Variants in PCP2 observed in about 807,000 individuals in gnomAD.
PCP2 encodes Purkinje cell protein 2, also known as Purkinje cell protein 2 homolog.
In PCP2, 21 loss-of-function variants were observed where a neutral mutation model predicts 18.3. That is an observed-to-expected ratio of 1.14 (90% confidence interval 0.81 to 1.65). The LOEUF is 1.65. PCP2 is among the 40% of genes most tolerant of loss of function. PCP2 has a pLI of 0.00. For missense variants in PCP2, 202 were observed against 201.8 expected (o/e 1.00, Z 0.00); for synonymous variants, 85 against 77.6 (o/e 1.10, Z -0.50).
upstream of PCP2, chr19:7,633,835 G>T (rs2031434785): frequency 4.6e-6 from 1 of 217,080 alleles, no homozygotes. Flanking sequence ...ACTTGCAGGT[G>T]TCCCCACCCA....
Position 7,632,584 on chromosome 19 carries a change from C to G in PCP2, c.167-67G>C. 6.3e-7 allele frequency: 1 copy of G among 1,599,408 alleles called. No homozygotes were observed. The highest frequency in any genetic ancestry group is 2.2e-5 in the East Asian group (1 of 44,716). On this transcript the variant is annotated intron_variant, in intron 2 of 3. Coordinates refer to ENST00000311069, the MANE Select transcript of PCP2 (RefSeq NM_174895.3). This position sits in a 1 kb window ranked among gnomAD's most constrained non-coding sequence, Gnocchi z 5.2. ...GGGGGCCCCCAACCCTACCCCTTCACCCCCACACAGATGCTTCAGGGTGCA... is the reference window on the plus strand; with the variant it reads ...GGGGGCCCCCAACCCTACCCCTTCAGCCCCACACAGATGCTTCAGGGTGCA...
upstream of PCP2, among the ~76,000 whole-genome samples, chr19:7,634,388 C>A (rs1186698155): frequency 2.0e-5 from 3 of 152,220 alleles, no homozygotes; most frequent in Non-Finnish European, 4.4e-5. Context: ...TCTGCCCGAG[C>A]CTCCTCTGTT....
chr19:7,631,742 C>T lies in PCP2; in HGVS notation c.358G>A (p.Ala120Thr), dbSNP rs147978153. The T allele has an allele frequency of 1.9e-5, 28 of 1,440,696 alleles. No homozygotes were observed. Among genetic ancestry groups the T allele is most frequent in the Non-Finnish European group, 2.2e-5 (24 of 1,094,010 alleles). The allele number at this position is 1,440,696 out of a possible 1,614,324, so 89.2% of individuals were successfully genotyped here. A position where few individuals can be genotyped will look rare whatever the true frequency, so the allele number is the denominator to read the frequency against. ...CTGCTGTTCCGACGGAAGCCGAGAG[C>T]GGTCGGGTCCTGAGGGGTGAGCAGG... Reference protein sequence around the residue: ...QPLLTPQDPTALGFRRNSSPQ... With the variant: ...QPLLTPQDPTTLGFRRNSSPQ... The change falls in exon 4 of 4, where the codon GCT (alanine) becomes ACT (threonine). Residue 120 changes from alanine to threonine, a missense_variant. By Grantham distance (58) the Ala-to-Thr change is moderately conservative. Coordinates refer to ENST00000311069, the MANE Select transcript of PCP2 (RefSeq NM_174895.3).
At chr19:7,633,116 C>T in intron 1 of PCP2, 1 of 1,007,042 alleles carries the variant, frequency 9.9e-7, no homozygotes, top group Non-Finnish European at 1.4e-6. Context: ...TAGATTGGGG[C>T]CTGATGAGTG....
Position 7,631,757 on chromosome 19 carries a change from G to T in PCP2, c.343C>A (p.Pro115Thr). ...AAGCCGAGAGCGGTCGGGTCCTGAG[G>T]GGTGAGCAGGGGTTGGGGACTGAGG... Reference protein sequence around the residue: ...GTLSPQPLLTPQDPTALGFRR... With the variant: ...GTLSPQPLLTTQDPTALGFRR... Residue 115 changes from proline (P) to threonine (T), a missense_variant, in exon 4 of 4, where the codon CCT (proline) becomes ACT (threonine). Transcript: ENST00000311069. 7.0e-7 allele frequency: 1 copy of T among 1,431,882 alleles called. No individual in the cohort carries two copies. The allele number at this position is 1,431,882 out of a possible 1,614,324, so 88.7% of individuals were successfully genotyped here.
At chr19:7,636,142 C>T (rs1229900519), upstream of PCP2, 1 of 152,206 alleles carries the variant, frequency 6.6e-6, no homozygotes, top group Non-Finnish European at 1.5e-5. Context: ...CTATCTCCCC[C>T]AGACCTTCGG....
At position 7,632,042 on chromosome 19, in the gene PCP2, CAACAGATGTGAGTA is replaced by C. The variant is rs2031333638; in HGVS notation, c.292-248_292-235del. 6.1e-6 allele frequency: 3 copies of C among 493,604 alleles called. No homozygotes were observed. The highest frequency in any genetic ancestry group is 7.0e-6 in the Non-Finnish European group (2 of 284,988). The allele number at this position is 493,604 out of a possible 1,614,324, so 30.6% of individuals were successfully genotyped here. A position where few individuals can be genotyped will look rare whatever the true frequency, so the allele number is the denominator to read the frequency against. On this transcript the variant is annotated intron_variant, in intron 3 of 3. Transcript: ENST00000311069. The surrounding 1 kb of genome is among the most constrained non-coding windows in gnomAD (Gnocchi z 5.2). ...CCCAAGCTTCGTGTATGTGTGAAGTCAACAGATGTGAGTATACAGATGTATATATCCTATGTGTG... is the reference window on the plus strand; with the variant it reads ...CCCAAGCTTCGTGTATGTGTGAAGTCTACAGATGTATATATCCTATGTGTG...
At position 7,632,431 on chromosome 19, in the gene PCP2, C is replaced by G. The variant is rs1190900010; in HGVS notation, c.253G>C (p.Val85Leu). The change falls in exon 3 of 4, where the codon GTC becomes CTC. Residue 85 changes from valine to leucine, a missense_variant. Physicochemically the swap from Val to Leu is conservative, Grantham distance 32. Transcript: ENST00000311069. The surrounding 1 kb of genome is among the most constrained non-coding windows in gnomAD (Gnocchi z 5.2). Reference sequence around the variant, plus strand: ...GGCTGGAAGCCGGGCAGGCTGCTGACTGTCACACGTTGGTCATCCATGCGG... The same window carrying G: ...GGCTGGAAGCCGGGCAGGCTGCTGAGTGTCACACGTTGGTCATCCATGCGG... Reference protein sequence around the residue: ...GRRMDDQRVTVSSLPGFQPVG... With the variant: ...GRRMDDQRVTLSSLPGFQPVG... The G allele has an allele frequency of 6.2e-7, 1 of 1,613,908 alleles. No individual in the cohort carries two copies. The highest frequency in any genetic ancestry group is 2.2e-5 in the East Asian group (1 of 44,894).
chr19:7,633,855 G>C (rs950058365), upstream of PCP2: 12 of 199,992 alleles, frequency 6.0e-5, no homozygotes, highest in Admixed American at 7.2e-4. Flanking sequence ...AGCCACCCAG[G>C]TTCCCCCACT....
chr19:7,632,477 C>T lies in PCP2; in HGVS notation c.207G>A (p.Met69Ile). The T allele has an allele frequency of 5.6e-6, 9 of 1,613,822 alleles. No homozygotes were observed. Among genetic ancestry groups the T allele is most frequent in the Non-Finnish European group, 6.8e-6 (8 of 1,179,964 alleles). ...PTPEMDSLMD[M>I]LASTQGRRMD... Reference sequence around the variant, plus strand: ...TGCGGCGGCCCTGGGTACTGGCCAGCATGTCCATGAGGCTGTCCATCTCGG... The same window carrying T: ...TGCGGCGGCCCTGGGTACTGGCCAGTATGTCCATGAGGCTGTCCATCTCGG... The change falls in exon 3 of 4, where the codon ATG (methionine) becomes ATA (isoleucine). Residue 69 changes from methionine (M) to isoleucine (I), a missense_variant. By Grantham distance (10) the Met-to-Ile change is conservative. Transcript: ENST00000311069. This position sits in a 1 kb window ranked among gnomAD's most constrained non-coding sequence, Gnocchi z 5.2.
Position 7,632,462 on chromosome 19 carries a change from C to G in PCP2, c.222G>C (p.Gln74His). ...CACGTTGGTCATCCATGCGGCGGCC[C>G]TGGGTACTGGCCAGCATGTCCATGA... ...DSLMDMLASTQGRRMDDQRVT... is the reference protein window; with the variant it reads ...DSLMDMLASTHGRRMDDQRVT... The change falls in exon 3 of 4, where the codon CAG becomes CAC. Residue 74 changes from glutamine (Q) to histidine (H), a missense_variant. By Grantham distance (24) the Gln-to-His change is conservative. Coordinates refer to ENST00000311069, the MANE Select transcript of PCP2 (RefSeq NM_174895.3). The surrounding 1 kb of genome is among the most constrained non-coding windows in gnomAD (Gnocchi z 5.2). The G allele has an allele frequency of 6.2e-7, 1 of 1,613,828 alleles. No homozygotes were observed. The highest frequency in any genetic ancestry group is 8.5e-7 in the Non-Finnish European group (1 of 1,179,938).
In PCP2 at chr19:7,632,998, A is replaced by G. The variant is rs1568459407; in HGVS notation, c.52-168T>C. The G allele has an allele frequency of 7.0e-7, 1 of 1,423,624 alleles. No homozygotes were observed. The highest frequency in any genetic ancestry group is 2.5e-5 in the East Asian group (1 of 39,610). 88.2% of individuals were successfully genotyped at this position (1,423,624 alleles called of 1,614,324 possible). Reference sequence around the variant, plus strand: ...TCTGCAGAGCTGTTCTGAATGAGACATGAGTCTCCTTCCCAATCCCGGCCC... The same window carrying G: ...TCTGCAGAGCTGTTCTGAATGAGACGTGAGTCTCCTTCCCAATCCCGGCCC... On this transcript the variant is annotated intron_variant, in intron 1 of 3. Coordinates refer to ENST00000311069, the MANE Select transcript of PCP2 (RefSeq NM_174895.3). The surrounding 1 kb of genome is among the most constrained non-coding windows in gnomAD (Gnocchi z 5.2).
upstream of PCP2, chr19:7,636,828 C>T: frequency 6.4e-6 from 2 of 314,816 alleles, no homozygotes; most frequent in Non-Finnish European, 1.2e-5. Context: ...CAGAACCTCC[C>T]GGGGAAGATG....
Position 7,632,335 on chromosome 19 carries a change from A to G in PCP2, c.291+58T>C, listed in dbSNP as rs565996462. 4.3e-4 allele frequency: 683 copies of G among 1,602,328 alleles called. 5 individuals carry two copies. The South Asian group carries it at 5.8e-3, about 14-fold the overall frequency. ...TTCCCTCCTGGCTGGGGTGGAGGGC[A>G]GGATCGGAGAGCACTGCCTGGCGGG... is the stretch of plus-strand genomic sequence containing the variant. On this transcript the variant is annotated intron_variant, in intron 3 of 3. Coordinates refer to ENST00000311069, the MANE Select transcript of PCP2 (RefSeq NM_174895.3). The surrounding 1 kb of genome is among the most constrained non-coding windows in gnomAD (Gnocchi z 5.2).
chr19:7,633,577 T>G lies in PCP2; in HGVS notation c.-120A>C. The G allele has an allele frequency of 6.7e-6, 6 of 901,750 alleles. No homozygotes were observed. The highest frequency in any genetic ancestry group is 1.0e-5 in the Non-Finnish European group (6 of 576,114). 55.9% of individuals were successfully genotyped at this position (901,750 alleles called of 1,614,324 possible). A position where few individuals can be genotyped will look rare whatever the true frequency, so the allele number is the denominator to read the frequency against. ...CCCCCATCCCCAAATCCCCAGCTCA[T>G]GCCCCATCTGCTCCCACCCAAGCTT... is the stretch of plus-strand genomic sequence containing the variant. On this transcript the variant is annotated 5_prime_UTR_variant, in exon 1 of 4. The change abolishes an upstream ATG in the 5' untranslated region. Coordinates refer to ENST00000311069, the MANE Select transcript of PCP2 (RefSeq NM_174895.3).
At position 7,632,536 on chromosome 19, in the gene PCP2, A is replaced by C. The variant is rs1196480663; in HGVS notation, c.167-19T>G. ...TCGCTCTCTGCGTGGACGTTCACAG[A>C]CTTGGGAGGACACAGCCGGAGTGGG... On this transcript the variant is annotated intron_variant, in intron 2 of 3. Coordinates refer to ENST00000311069, the MANE Select transcript of PCP2 (RefSeq NM_174895.3). The surrounding 1 kb of genome is among the most constrained non-coding windows in gnomAD (Gnocchi z 5.2). The C allele has an allele frequency of 6.2e-7, 1 of 1,611,116 alleles. No homozygotes were observed. Among genetic ancestry groups the C allele is most frequent in the Non-Finnish European group, 8.5e-7 (1 of 1,179,162 alleles).
chr19:7,633,167 A>G (rs2031402752), intron 1 of PCP2, among the ~76,000 whole-genome samples: 1 of 152,150 alleles, frequency 6.6e-6, no homozygotes, highest in South Asian at 2.1e-4. Context: ...AACATGGCCC[A>G]GGAGCTACCC....
chr19:7,636,925 G>A (rs921788657), upstream of PCP2: 8 of 401,198 alleles, frequency 2.0e-5, no homozygotes, highest in African/African-American at 1.4e-4. Flanking sequence ...TCGTCGAGGT[G>A]TGCACCTCCA....
At chr19:7,634,148 C>G (rs2031443515), upstream of PCP2, among the ~76,000 whole-genome samples, 1 of 152,206 alleles carries the variant, frequency 6.6e-6, no homozygotes, top group African/African-American at 2.4e-5. Context: ...CTCCTCTCCT[C>G]TATCACCCTA....
Sources: allele counts gnomAD v4.1 joint callset (sites outside exome capture counted in the v4.1 genomes callset), GRCh38; gene constraint gnomAD v4.1.1; non-coding constraint Gnocchi (gnomAD v3.1); transcripts MANE v1.5; gene names NCBI Gene and HGNC (gene_info 2026-07-23, HGNC 2026-07-21).